Variants in GPC6 observed in about 807,000 individuals in gnomAD.
GPC6 encodes glypican-6.
GPC6 carries 14 observed loss-of-function variants against 55.2 expected under a neutral mutation model. The observed-to-expected ratio is 0.25, with a 90% confidence interval of 0.17 to 0.40. The LOEUF (loss-of-function observed/expected upper bound fraction) is 0.40, where lower values mean the gene tolerates loss of function less well. GPC6 is among the 10% of genes least tolerant of loss of function. The pLI, the probability that GPC6 is intolerant of heterozygous loss-of-function variation, is 1.00. For synonymous variants in GPC6, 278 were observed against 259.6 expected (o/e 1.07, Z -0.68); for missense variants, 641 against 708.5 (o/e 0.90, Z 1.08).
intron 4 of GPC6, among the ~76,000 whole-genome samples, chr13:94,092,705 C>G (rs1165212109): frequency 1.3e-5 from 2 of 152,116 alleles, no homozygotes; most frequent in Non-Finnish European, 2.9e-5. Context: ...GGAACCTCCA[C>G]ACTGTTTTCT....
chr13:93,643,848 C>G (rs1880061845), intron 2 of GPC6, among the ~76,000 whole-genome samples: 1 of 152,050 alleles, frequency 6.6e-6, no homozygotes, highest in Non-Finnish European at 1.5e-5. Context: ...AGCAGGTTAG[C>G]CAGCCTTCTC....
At chr13:94,169,056 A>T (rs1257870501) in intron 4 of GPC6, among the ~76,000 whole-genome samples, 1 of 152,226 alleles carries the variant, frequency 6.6e-6, no homozygotes, top group African/African-American at 2.4e-5. Flanking sequence ...TAAGGAAGGC[A>T]GACTTTAAAT....
At chr13:93,279,324 T>C (rs1877868994) in intron 1 of GPC6, among the ~76,000 whole-genome samples, 1 of 152,184 alleles carries the variant, frequency 6.6e-6, no homozygotes, top group African/African-American at 2.4e-5. Flanking sequence ...GAACTATTGT[T>C]CTGGAGTTAA....
intron 2 of GPC6, among the ~76,000 whole-genome samples, chr13:93,698,972 G>T (rs1196797012): frequency 2.0e-5 from 3 of 152,022 alleles, no homozygotes; most frequent in African/African-American, 7.2e-5. Context: ...ATAATTCTGT[G>T]CTTCAAGAAC....
At chr13:94,025,397 A>G (rs999615302) in intron 3 of GPC6, 4 of 151,618 alleles carry the variant, frequency 2.6e-5, no homozygotes, top group African/African-American at 9.7e-5. Flanking sequence ...GGAATGCAAA[A>G]TTCTTTTTCC....
chr13:94,167,312 T>G (rs1178095917), intron 4 of GPC6, among the ~76,000 whole-genome samples: 1 of 152,028 alleles, frequency 6.6e-6, no homozygotes, highest in African/African-American at 2.4e-5. Flanking sequence ...AGAGAGAGAG[T>G]GCAAGAGGGC....
intron 2 of GPC6, among the ~76,000 whole-genome samples, chr13:93,822,458 T>C (rs1887084238): frequency 6.6e-6 from 1 of 152,156 alleles, no homozygotes; most frequent in Non-Finnish European, 1.5e-5. Context: ...TATTATTATT[T>C]TATTACACTT....
At chr13:93,765,806 A>C (rs1885114247) in intron 2 of GPC6, among the ~76,000 whole-genome samples, 1 of 152,214 alleles carries the variant, frequency 6.6e-6, no homozygotes, top group South Asian at 2.1e-4. Context: ...TTTTCACTTC[A>C]TGGAATGGGC....
chr13:93,716,611 CAA>C (rs1883262262), intron 2 of GPC6, among the ~76,000 whole-genome samples: 1 of 151,444 alleles, frequency 6.6e-6, no homozygotes, highest in Non-Finnish European at 1.5e-5. Flanking sequence ...AGTGATTTTA[CAA>C]AAGAGTCAGT....
At chr13:94,246,278 T>C (rs1475103901) in intron 4 of GPC6, among the ~76,000 whole-genome samples, 1 of 152,108 alleles carries the variant, frequency 6.6e-6, no homozygotes, top group Non-Finnish European at 1.5e-5. Flanking sequence ...ATCTGATATA[T>C]GGTTTGTAAA....
chr13:93,948,750 A>C (rs898631168), intron 3 of GPC6, among the ~76,000 whole-genome samples: 3 of 152,182 alleles, frequency 2.0e-5, no homozygotes, highest in African/African-American at 7.2e-5. Context: ...TAAACACTAA[A>C]ATTATATTTA....
chr13:94,067,480 C>CTG (rs1032558819), intron 4 of GPC6, among the ~76,000 whole-genome samples: 11 of 78,596 alleles, frequency 1.4e-4, no homozygotes, highest in African/African-American at 2.3e-4. Context: ...GTCTGTCTGT[C>CTG]TCTCTCTCTC....
chr13:93,484,468 G>A (rs944435609), intron 1 of GPC6, among the ~76,000 whole-genome samples: 8 of 152,164 alleles, frequency 5.3e-5, no homozygotes, highest in Admixed American at 2.0e-4. Flanking sequence ...AGTATGCTGT[G>A]AACCTCTTTT....
chr13:93,520,323 C>T (rs1348740925), intron 1 of GPC6, among the ~76,000 whole-genome samples: 4 of 151,814 alleles, frequency 2.6e-5, no homozygotes, highest in Non-Finnish European at 5.9e-5. Flanking sequence ...TACTTGCTGC[C>T]CTAGGCTTGT....
At chr13:94,093,261 TATTTA>T (rs2138814948) in intron 4 of GPC6, among the ~76,000 whole-genome samples, 1 of 152,254 alleles carries the variant, frequency 6.6e-6, no homozygotes, top group African/African-American at 2.4e-5. Flanking sequence ...TACATTTAAG[TATTTA>T]ATTCATTTTT....
At chr13:94,126,258 C>T (rs1426030415) in intron 4 of GPC6, among the ~76,000 whole-genome samples, 1 of 152,106 alleles carries the variant, frequency 6.6e-6, no homozygotes, top group Non-Finnish European at 1.5e-5. Context: ...TGGCACTTGC[C>T]TGTATTCCCA....
intron 3 of GPC6, among the ~76,000 whole-genome samples, chr13:93,843,785 G>C (rs990303589): frequency 1.3e-5 from 2 of 152,052 alleles, no homozygotes; most frequent in Non-Finnish European, 2.9e-5. Flanking sequence ...TTTAACGCAG[G>C]TCTGAACACT....
At chr13:93,311,126 C>T (rs149035246) in intron 1 of GPC6, among the ~76,000 whole-genome samples, 30 of 152,256 alleles carry the variant, frequency 2.0e-4, no homozygotes, top group African/African-American at 5.8e-4. Flanking sequence ...TCTAGACCTC[C>T]GGCATCAGAA....
chr13:93,677,066 AAG>A (rs1251410456), intron 2 of GPC6, among the ~76,000 whole-genome samples: 5 of 152,166 alleles, frequency 3.3e-5, no homozygotes, highest in Non-Finnish European at 7.3e-5. Context: ...TAGTACTAAA[AAG>A]AGAGAGATGT....
Sources: gnomAD v4.1 joint callset for allele counts (sites outside exome capture counted in the v4.1 genomes callset) on GRCh38, gnomAD v4.1.1 for gene constraint, MANE v1.5 for transcripts, NCBI Gene and HGNC (gene_info 2026-07-23, HGNC 2026-07-21) for gene names.